GLIS1: variants seen among roughly 807,000 people sequenced by gnomAD.
GLIS1 encodes the protein GLIS family zinc finger 1, also known as zinc finger protein GLIS1.
GLIS1 carries 24 observed loss-of-function variants against 63.8 expected under a neutral mutation model. The ratio of observed to expected loss-of-function variants is 0.38; its 90% confidence interval spans 0.27 to 0.53. GLIS1 has a LOEUF of 0.53. GLIS1 is among the 20% of genes least tolerant of loss of function. The probability of loss-of-function intolerance (pLI) is 0.85; values close to 1 mark genes in which losing one functional copy is unlikely to be tolerated. For missense variants in GLIS1, 1,036 were observed against 1,074.1 expected, an observed-to-expected ratio of 0.96 and a Z score of 0.50; for synonymous variants, 450 against 482.5, an observed-to-expected ratio of 0.93 and a Z score of 0.88.
chr1:53,565,801 T>A (rs1376358764), intron 4 of GLIS1, among the ~76,000 whole-genome samples: 1 of 151,700 alleles, frequency 6.6e-6, no homozygotes, highest in Non-Finnish European at 1.5e-5. Flanking sequence ...TACAAATTCT[T>A]CAAGGAATAG....
chr1:53,606,565 T>C (rs1484493814), intron 2 of GLIS1, among the ~76,000 whole-genome samples: 1 of 152,198 alleles, frequency 6.6e-6, no homozygotes, highest in African/African-American at 2.4e-5. Flanking sequence ...TTCTGCTCTC[T>C]GGGCTGCCTC....
At chr1:53,612,458 TCTCA>T (rs1189657460) in intron 2 of GLIS1, among the ~76,000 whole-genome samples, 1 of 152,058 alleles carries the variant, frequency 6.6e-6, no homozygotes. Flanking sequence ...GCCAGAATAG[TCTCA>T]ATCTCCTGAC....
chr1:53,572,734 T>C (rs1309496243), intron 4 of GLIS1, among the ~76,000 whole-genome samples: 3 of 152,244 alleles, frequency 2.0e-5, no homozygotes, highest in Non-Finnish European at 2.9e-5. Flanking sequence ...CAGGAACCTA[T>C]TGGACACATA....
intron 4 of GLIS1, among the ~76,000 whole-genome samples, chr1:53,552,567 T>C (rs1201454081): frequency 3.3e-5 from 5 of 152,206 alleles, no homozygotes; most frequent in Admixed American, 1.3e-4. Context: ...TCTGGGGTGA[T>C]TTACATGACC....
chr1:53,733,090 A>C (rs1646879298), intron 2 of GLIS1, among the ~76,000 whole-genome samples: 1 of 152,260 alleles, frequency 6.6e-6, no homozygotes, highest in Non-Finnish European at 1.5e-5. Context: ...AACTCCACAA[A>C]GTAAAACCGA....
chr1:53,597,567 G>A (rs1645271790), intron 3 of GLIS1, among the ~76,000 whole-genome samples: 2 of 152,100 alleles, frequency 1.3e-5, no homozygotes, highest in African/African-American at 4.8e-5. Context: ...GGAGGCAGCT[G>A]GCGCAGGAGC....
intron 2 of GLIS1, among the ~76,000 whole-genome samples, chr1:53,690,323 A>G (rs1397459876): frequency 6.6e-6 from 1 of 152,204 alleles, no homozygotes; most frequent in African/African-American, 2.4e-5. Context: ...GATGGGGAAG[A>G]GGGTGGTCTC....
At chr1:53,578,795 C>T (rs1343767986) in intron 4 of GLIS1, among the ~76,000 whole-genome samples, 3 of 152,144 alleles carry the variant, frequency 2.0e-5, no homozygotes, top group Non-Finnish European at 4.4e-5. Flanking sequence ...AACAATAACT[C>T]AATGATAAGG....
intron 6 of GLIS1, among the ~76,000 whole-genome samples, chr1:53,521,721 A>T (rs1644411363): frequency 6.6e-6 from 1 of 152,170 alleles, no homozygotes; most frequent in East Asian, 1.9e-4. Context: ...GCTGGGGTGC[A>T]CCCAGTAACC....
chr1:53,571,733 T>A (rs1180962069), intron 4 of GLIS1, among the ~76,000 whole-genome samples: 1 of 151,944 alleles, frequency 6.6e-6, no homozygotes, highest in Non-Finnish European at 1.5e-5. Context: ...CCCGCCACCA[T>A]GCCCGGCTAA....
chr1:53,720,828 A>G (rs1646746599), intron 2 of GLIS1, among the ~76,000 whole-genome samples: 1 of 152,170 alleles, frequency 6.6e-6, no homozygotes. Context: ...GTGAAACTCC[A>G]CTACTACAAA....
Position 53,729,633 on chromosome 1 carries a change from C to T in GLIS1, c.259+8173G>A, listed in dbSNP as rs1224399250. Among the ~76,000 whole-genome samples, 4 of 152,210 alleles carry T rather than the reference C, an allele frequency of 2.6e-5. No homozygotes were observed. The South Asian group carries it at 6.2e-4, about 24-fold the overall frequency. ...TCCCTTTAAAAAATAAATCAGAAGA[C>T]GATGCCTTGAATTCACATATCTCTG... is the stretch of plus-strand genomic sequence containing the variant. On this transcript the variant is annotated intron_variant, in intron 2 of 10. Transcript: ENST00000628545.
At chr1:53,554,226 G>A (rs906038677) in intron 4 of GLIS1, among the ~76,000 whole-genome samples, 19 of 152,202 alleles carry the variant, frequency 1.2e-4, no homozygotes, top group Non-Finnish European at 7.3e-5. Context: ...CGGAGACAGG[G>A]CACTCATGAC....
intron 2 of GLIS1, among the ~76,000 whole-genome samples, chr1:53,650,521 A>T (rs1286417650): frequency 6.8e-6 from 1 of 147,638 alleles, no homozygotes; most frequent in Non-Finnish European, 1.5e-5. Context: ...ACCTGGGAGG[A>T]TGAGGTTGCA....
chr1:53,515,359 C>T (rs1420538266), intron 7 of GLIS1, among the ~76,000 whole-genome samples: 6 of 151,930 alleles, frequency 3.9e-5, no homozygotes, highest in Non-Finnish European at 8.8e-5. Context: ...CAAGCAGAGC[C>T]GGGGTGTCCA....
At chr1:53,508,856 C>T (rs546720171) in intron 10 of GLIS1, among the ~76,000 whole-genome samples, 6 of 152,318 alleles carry the variant, frequency 3.9e-5, no homozygotes, top group Admixed American at 3.3e-4. Context: ...GCTCCCAGTC[C>T]GATTCTTCAG....
intron 4 of GLIS1, among the ~76,000 whole-genome samples, chr1:53,584,844 G>A (rs955823283): frequency 5.9e-5 from 9 of 152,138 alleles, no homozygotes; most frequent in African/African-American, 2.2e-4. Context: ...CACAAAGCCA[G>A]CTCTGGCAAC....
intron 4 of GLIS1, among the ~76,000 whole-genome samples, chr1:53,541,789 G>A (rs1422972194): frequency 6.6e-6 from 1 of 152,266 alleles, no homozygotes; most frequent in Non-Finnish European, 1.5e-5. Flanking sequence ...TGAGAGGCAG[G>A]ACGGAGTTGC....
intron 4 of GLIS1, among the ~76,000 whole-genome samples, chr1:53,535,523 G>T (rs1221629869): frequency 6.6e-6 from 1 of 152,020 alleles, no homozygotes; most frequent in African/African-American, 2.4e-5. Context: ...ATGGCTGGGT[G>T]GGTATGGGGC....
Sources: gnomAD v4.1 joint callset for allele counts (sites outside exome capture counted in the v4.1 genomes callset) on GRCh38, gnomAD v4.1.1 for gene constraint, MANE v1.5 for transcripts, NCBI Gene and HGNC (gene_info 2026-07-23, HGNC 2026-07-21) for gene names.